The following HTT variants were observed in gnomAD, a reference collection of about 807,000 sequenced individuals.
The protein encoded by HTT is huntingtin, also known as huntington disease protein.
In HTT, 104 loss-of-function variants were observed where a neutral mutation model predicts 362.3. The ratio of observed to expected loss-of-function variants is 0.29; its 90% CI spans 0.24 to 0.34. The LOEUF (loss-of-function observed/expected upper bound fraction) is 0.34. Ranked by LOEUF, HTT falls within the 10% of genes least tolerant of loss-of-function variation. The probability of loss-of-function intolerance (pLI) is 1.00; values close to 1 mark genes in which losing one functional copy is unlikely to be tolerated. For missense variants in HTT, 3,301 were observed against 3,928.6 expected (o/e 0.84, Z 4.27); for synonymous variants, 1,577 against 1,548.7 (o/e 1.02, Z -0.43).
At chr4:3,112,759 C>T (rs1196066916) in intron 6 of HTT, among the ~76,000 whole-genome samples, 2 of 152,170 alleles carry the variant, frequency 1.3e-5, no homozygotes, top group Admixed American at 6.5e-5. Flanking sequence ...CCATCTTGCA[C>T]AGCTAGAGGT....
At chr4:3,088,285 C>G (rs1475520488) in intron 2 of HTT, among the ~76,000 whole-genome samples, 1 of 149,896 alleles carries the variant, frequency 6.7e-6, no homozygotes, top group Non-Finnish European at 1.5e-5. Context: ...CTCCCAGGTT[C>G]ACGCCATTCT....
chr4:3,237,140 C>G (rs751998152), intron 64 of HTT, among the ~76,000 whole-genome samples: 9 of 150,754 alleles, frequency 6.0e-5, no homozygotes, highest in Non-Finnish European at 1.3e-4. Context: ...ATGGTGTGAT[C>G]TCGGCTCACT....
At chr4:3,137,063 A>T (rs957703327) in intron 21 of HTT, among the ~76,000 whole-genome samples, 42 of 151,650 alleles carry the variant, frequency 2.8e-4, no homozygotes, top group African/African-American at 1.0e-3. Context: ...GCACACCACC[A>T]CGCCCAATTA....
Position 3,240,266 on chromosome 4 carries a change from T to G in HTT, c.*207T>G. The stretch of plus-strand genomic sequence containing the variant: ...AGGCAGGGAGTGTCTGCAGTCCTGG[T>G]GGGGCTGAGCCTGAGGCCTTCCAGA... On this transcript the variant is annotated 3_prime_UTR_variant, in exon 67 of 67. Coordinates refer to ENST00000355072, the MANE Select transcript of HTT (RefSeq NM_001388492.1). The G allele has an allele frequency of 1.7e-6, 1 of 600,560 alleles. No individual in the cohort carries two copies. The highest frequency in any genetic ancestry group is 3.0e-6 in the Non-Finnish European group (1 of 337,998). 37.2% of individuals were successfully genotyped at this position (600,560 alleles called of 1,614,324 possible).
intron 27 of HTT, 65 bp from the exon 28 acceptor site, chr4:3,157,007 T>A (rs541723269): frequency 1.5e-6 from 2 of 1,318,140 alleles, no homozygotes; most frequent in South Asian, 2.8e-5. Context: ...TTTCCAGTAA[T>A]CTCTTTAAAA....
rs1278519082 is a variant in HTT at position 3,130,312 on chromosome 4, A to G, written c.1875A>G (p.Gln625=). ...ATTTCTCTGTTTTTAAAGCCCTTCAACAGGCACATTTATTGAAAAACATGA... is the reference window on the plus strand; with the variant it reads ...ATTTCTCTGTTTTTAAAGCCCTTCAGCAGGCACATTTATTGAAAAACATGA... ...EAFRNSSMAL[Q]QAHLLKNMSH... is the part of the protein sequence containing the mutation. The change falls in exon 14 of 67, where the codon CAA becomes CAG. Residue 625 remains glutamine (Q), a synonymous_variant. Transcript: ENST00000355072. 2 of 1,572,702 alleles carry G rather than the reference A, an allele frequency of 1.3e-6. No homozygotes were observed. Among genetic ancestry groups the G allele is most frequent in the Admixed American group, 3.7e-5 (2 of 54,326 alleles).
intron 44 of HTT, 77 bp from the exon 45 acceptor site, chr4:3,207,204 C>T (rs575159993): frequency 1.5e-6 from 2 of 1,316,464 alleles, no homozygotes; most frequent in Middle Eastern, 1.8e-4. Context: ...CACATCAGTT[C>T]ATCCTTTTTA....
rs760107039 is a variant in HTT at position 3,131,568 on chromosome 4, G to A, written c.2099-70G>A. 1.9e-6 allele frequency: 3 copies of A among 1,591,076 alleles called. No homozygotes were observed. The African/African-American group carries it at 4.0e-5, about 21-fold the overall frequency. On this transcript the variant is annotated intron_variant, in intron 15 of 66. Coordinates refer to ENST00000355072, the MANE Select transcript of HTT (RefSeq NM_001388492.1). ...ATGATGGGAGCAGGTAGGTTATTGG[G>A]TCTGGTTTTGTTCATTTGAAAACAA...
chr4:3,217,722 A>G (rs768086114), intron 51 of HTT, 43 bp from the exon 52 acceptor site: 4 of 1,523,036 alleles, frequency 2.6e-6, no homozygotes, highest in African/African-American at 1.4e-5. Context: ...GGCATATAGG[A>G]TGTGTTTTTT....
At chr4:3,104,484 C>T (rs751088071) in intron 4 of HTT, among the ~76,000 whole-genome samples, 62 of 152,042 alleles carry the variant, frequency 4.1e-4, no homozygotes, top group Non-Finnish European at 8.2e-4. Context: ...TGGCGGGCGC[C>T]TGTAATCCTG....
intron 1 of HTT, among the ~76,000 whole-genome samples, chr4:3,075,655 G>C (rs559254666): frequency 0.024 from 3,347 of 139,732 alleles, 272 homozygotes; most frequent in African/African-American, 0.081. Context: ...GGCAGGGGGG[G>C]GGCGGGGAGT....
Position 3,145,300 on chromosome 4 carries a change from C to T in HTT, c.3143+72C>T. 5.6e-6 allele frequency: 6 copies of T among 1,066,438 alleles called. No homozygotes were observed. In the South Asian group the frequency reaches 8.1e-5, roughly 14 times the overall value. The allele number at this position is 1,066,438 out of a possible 1,614,324, so 66.1% of individuals were successfully genotyped here. A position where few individuals can be genotyped will look rare whatever the true frequency, so the allele number is the denominator to read the frequency against. ...GACATAAACATAGTTATTAGGATGC[C>T]CTTTTTCTTTCTTTTTAAGTCTTTT... On this transcript the variant is annotated intron_variant, in intron 24 of 66. Transcript: ENST00000355072.
intron 64 of HTT, 70 bp from the exon 65 acceptor site, chr4:3,238,377 G>T: frequency 8.2e-7 from 1 of 1,222,246 alleles, no homozygotes; most frequent in Non-Finnish European, 1.2e-6. Flanking sequence ...TTAGAGCCAA[G>T]GCCCTCCGCG....
chr4:3,230,079 G>GA (rs1553921294), intron 60 of HTT, 37 bp downstream of exon 60: 1 of 1,582,172 alleles, frequency 6.3e-7, no homozygotes, highest in Non-Finnish European at 8.7e-7. Flanking sequence ...CTGTGCTGAA[G>GA]CCACGGGGGC....
intron 1 of HTT, among the ~76,000 whole-genome samples, chr4:3,079,864 G>T (rs1712795548): frequency 6.6e-6 from 1 of 152,220 alleles, no homozygotes; most frequent in Non-Finnish European, 1.5e-5. Flanking sequence ...GCTGTCGGCT[G>T]TGGGCAGTGT....
At chr4:3,230,495 C>T (rs1034450058) in intron 60 of HTT, among the ~76,000 whole-genome samples, 3 of 152,222 alleles carry the variant, frequency 2.0e-5, no homozygotes, top group Non-Finnish European at 4.4e-5. Context: ...CGTTTTGTCA[C>T]AGTGACCCTG....
chr4:3,134,356 G>C, intron 18 of HTT, 45 bp from the exon 19 acceptor site: 1 of 1,584,106 alleles, frequency 6.3e-7, no homozygotes. Flanking sequence ...CGGGTACTGA[G>C]TGGGACTAAC....
intron 23 of HTT, among the ~76,000 whole-genome samples, 186 bp downstream of exon 23, chr4:3,143,072 CTA>C (rs1716423525): frequency 6.6e-6 from 1 of 152,128 alleles, no homozygotes; most frequent in Non-Finnish European, 1.5e-5. Context: ...ATGTAAATGA[CTA>C]TGTTTTTTCT....
In HTT at chr4:3,217,860, G is replaced by T. The variant is rs1015464444; in HGVS notation, c.7150G>T (p.Val2384Leu). The change falls in exon 52 of 67, where the codon GTG becomes TTG. Residue 2384 changes from valine (V) to leucine (L), a missense_variant. By Grantham distance (32) the Val-to-Leu change is conservative (BLOSUM62 1). Transcript: ENST00000355072. ...CTTGGGTCATAAAAGGAATAGCGGC[G>T]TGCCGGCGTTTCTCACGCCATTGCT... ...LALGHKRNSG[V>L]PAFLTPLLRN... The T allele has an allele frequency of 6.2e-7, 1 of 1,614,072 alleles. No homozygotes were observed. Among genetic ancestry groups the T allele is most frequent in the Non-Finnish European group, 8.5e-7 (1 of 1,180,022 alleles).
Sources: allele counts gnomAD v4.1 joint callset (sites outside exome capture counted in the v4.1 genomes callset), GRCh38; gene constraint gnomAD v4.1.1; transcripts MANE v1.5; gene names NCBI Gene and HGNC (gene_info 2026-07-23, HGNC 2026-07-21).